The following BCAT1 variants were observed in gnomAD, a reference collection of about 807,000 sequenced individuals.
The protein encoded by BCAT1 is branched-chain-amino-acid aminotransferase, cytosolic.
In BCAT1, 48 loss-of-function variants were observed where a neutral mutation model predicts 52.4. The observed-to-expected ratio is 0.92, with a 90% CI of 0.73 to 1.16. The LOEUF is 1.16. BCAT1 is among the 50% of genes most tolerant of loss of function. The pLI is 0.00. For missense variants in BCAT1, 451 were observed against 457.1 expected, an observed-to-expected ratio of 0.99 and a Z score of 0.12; for synonymous variants, 167 against 161.3, an observed-to-expected ratio of 1.04 and a Z score of -0.27.
At chr12:24,909,577 G>C (rs1396993903) in intron 1 of BCAT1, among the ~76,000 whole-genome samples, 1 of 152,090 alleles carries the variant, frequency 6.6e-6, no homozygotes, top group African/African-American at 2.4e-5. Context: ...GAACCTGTAG[G>C]GGAGAATCCT....
intron 4 of BCAT1, among the ~76,000 whole-genome samples, chr12:24,880,661 C>A (rs1398364514): frequency 6.6e-6 from 1 of 152,182 alleles, no homozygotes; most frequent in South Asian, 2.1e-4. Flanking sequence ...ACCTGTGCTG[C>A]ACACCATATT....
In BCAT1 at chr12:24,812,805, T is replaced by C. The variant is rs994539731; in HGVS notation, c.*5203A>G. 6.6e-6 allele frequency: 1 copy of C among 152,040 alleles called. No individual in the cohort carries two copies. The highest frequency in any genetic ancestry group is 2.4e-5 in the African/African-American group (1 of 41,446). 9.4% of individuals were successfully genotyped at this position (152,040 alleles called of 1,614,324 possible). The stretch of plus-strand genomic sequence containing the variant: ...GCAACAGGAAACCTAGCCATTGTGA[T>C]AGTGGATATGTAGAGAAAAGCCAGT... On this transcript the variant is annotated 3_prime_UTR_variant, in exon 11 of 11. Coordinates refer to ENST00000261192, the MANE Select transcript of BCAT1 (RefSeq NM_005504.7).
chr12:24,833,818 C>CTTTTT (rs778891194), intron 8 of BCAT1: 16,209 of 144,232 alleles, frequency 0.11, 951 homozygotes, highest in East Asian at 0.13. Flanking sequence ...ACGTTTGTCT[C>CTTTTT]TTTCTTTTTT....
In BCAT1 at chr12:24,882,593, A is replaced by AT. The variant is rs199578257; in HGVS notation, c.280-1183dup. ...TCATGCAAATACTTTATTTTTTATT[A>AT]TTTATTTTTTTTTTTTGAGACAGAG... On this transcript the variant is annotated intron_variant, in intron 3 of 10. Transcript: ENST00000261192. 9.6e-3 allele frequency among the ~76,000 whole-genome samples: 1,385 copies of AT among 144,836 alleles called. 18 individuals carry two copies. The highest frequency in any genetic ancestry group is 0.032 in the African/African-American group (1,270 of 39,688).
At chr12:24,868,549 G>C (rs1354099558) in intron 5 of BCAT1, among the ~76,000 whole-genome samples, 1 of 152,256 alleles carries the variant, frequency 6.6e-6, no homozygotes, top group Middle Eastern at 3.4e-3. Flanking sequence ...GGAAAGGATA[G>C]ACCACTCAAT....
chr12:24,894,546 G>C, intron 2 of BCAT1, 71 bp from the exon 3 acceptor site: 2 of 993,924 alleles, frequency 2.0e-6, no homozygotes, highest in South Asian at 3.7e-5. Flanking sequence ...ATACAGAGGG[G>C]AAAAAAAAAA....
At chr12:24,880,424 T>C (rs1942458144) in intron 4 of BCAT1, among the ~76,000 whole-genome samples, 1 of 152,170 alleles carries the variant, frequency 6.6e-6, no homozygotes, top group South Asian at 2.1e-4. Context: ...GCCACTGCAC[T>C]ATAGCTTGGG....
At chr12:24,891,052 G>C (rs559820314) in intron 3 of BCAT1, among the ~76,000 whole-genome samples, 68 of 152,302 alleles carry the variant, frequency 4.5e-4, no homozygotes, top group African/African-American at 1.5e-3. Context: ...TGTGAGAGTA[G>C]AGGAAAAACT....
chr12:24,810,858 C>G lies in BCAT1; in HGVS notation c.*7150G>C, dbSNP rs1243891790. On this transcript the variant is annotated 3_prime_UTR_variant, in exon 11 of 11. Transcript: ENST00000261192. Reference sequence around the variant, plus strand: ...AATTCTGCACTTGGCTTTGTTCTCCCTTGGTGCTTTTGAGGACAATTTCTG... The same window carrying G: ...AATTCTGCACTTGGCTTTGTTCTCCGTTGGTGCTTTTGAGGACAATTTCTG... The G allele has an allele frequency of 2.0e-5, 3 of 152,136 alleles. No homozygotes were observed. The highest frequency in any genetic ancestry group is 6.5e-5 in the Admixed American group (1 of 15,268). The allele number at this position is 152,136 out of a possible 1,614,324, so 9.4% of individuals were successfully genotyped here. A position where few individuals can be genotyped will look rare whatever the true frequency, so the allele number is the denominator to read the frequency against.
chr12:24,921,224 A>G (rs1943496708), intron 1 of BCAT1, among the ~76,000 whole-genome samples: 1 of 152,238 alleles, frequency 6.6e-6, no homozygotes, highest in Admixed American at 6.5e-5. Context: ...ATCAGTCAAC[A>G]CTAATATACA....
chr12:24,908,475 A>T (rs1053032515), intron 1 of BCAT1, among the ~76,000 whole-genome samples: 5 of 152,324 alleles, frequency 3.3e-5, no homozygotes, highest in Admixed American at 3.3e-4. Flanking sequence ...GGTGGCTCAC[A>T]CCTGTAATCC....
intron 10 of BCAT1, among the ~76,000 whole-genome samples, chr12:24,822,741 C>G (rs959625479): frequency 7.2e-5 from 11 of 152,176 alleles, no homozygotes; most frequent in Admixed American, 3.3e-4. Flanking sequence ...GTGGTTAGTT[C>G]AGAACCACTG....
At chr12:24,868,967 A>G (rs1475085048) in intron 5 of BCAT1, among the ~76,000 whole-genome samples, 1 of 152,228 alleles carries the variant, frequency 6.6e-6, no homozygotes, top group Non-Finnish European at 1.5e-5. Context: ...TATACCTAGA[A>G]TATACAAAGA....
At chr12:24,947,245 T>C (rs926316031) in intron 1 of BCAT1, among the ~76,000 whole-genome samples, 7 of 151,916 alleles carry the variant, frequency 4.6e-5, no homozygotes, top group Admixed American at 6.6e-5. Flanking sequence ...CATTTACATG[T>C]GTATCATTTT....
chr12:24,949,097 A>T lies in BCAT1; in HGVS notation c.-165T>A. On this transcript the variant is annotated 5_prime_UTR_variant, in exon 1 of 11. Coordinates refer to ENST00000261192, the MANE Select transcript of BCAT1 (RefSeq NM_005504.7). ...GCGGCGAGTACACGTGGCGGGCTGG[A>T]TTGCAGACCGGCCCTCTCGCGGCGG... The T allele has an allele frequency of 1.6e-6, 1 of 638,234 alleles. No individual in the cohort carries two copies. Among genetic ancestry groups the T allele is most frequent in the South Asian group, 2.0e-5 (1 of 50,072 alleles). The allele number at this position is 638,234 out of a possible 1,614,324, so 39.5% of individuals were successfully genotyped here.
At chr12:24,864,907 G>C in intron 5 of BCAT1, among the ~76,000 whole-genome samples, 1 of 152,090 alleles carries the variant, frequency 6.6e-6, no homozygotes, top group East Asian at 1.9e-4. Flanking sequence ...ACTGTGGCAG[G>C]ATTTGCCACA....
chr12:24,882,646 T>C (rs560017848), intron 3 of BCAT1, among the ~76,000 whole-genome samples: 1 of 151,704 alleles, frequency 6.6e-6, no homozygotes, highest in South Asian at 2.1e-4. Flanking sequence ...CCAGGCTGAA[T>C]GAAGTTCAGT....
chr12:24,866,175 C>T (rs1028452257), intron 5 of BCAT1, among the ~76,000 whole-genome samples: 7 of 152,172 alleles, frequency 4.6e-5, no homozygotes, highest in Admixed American at 2.6e-4. Context: ...TCGGAGCGAC[C>T]GGCTGGCCCT....
At chr12:24,847,048 G>A (rs1309232548) in intron 6 of BCAT1, among the ~76,000 whole-genome samples, 2 of 152,200 alleles carry the variant, frequency 1.3e-5, no homozygotes. Flanking sequence ...TTTGCTGAGA[G>A]CTTTCTATAT....
Sources: allele counts gnomAD v4.1 joint callset (sites outside exome capture counted in the v4.1 genomes callset), GRCh38; gene constraint gnomAD v4.1.1; transcripts MANE v1.5; gene names NCBI Gene and HGNC (gene_info 2026-07-23, HGNC 2026-07-21).